RXRA: variants seen among roughly 807,000 people sequenced by gnomAD.
RXRA encodes retinoic acid receptor RXR-alpha.
A neutral mutation model predicts 44.5 loss-of-function variants in RXRA; 5 were observed. The observed-to-expected ratio is 0.11, with a 90% confidence interval of 0.06 to 0.24. The LOEUF is 0.24. RXRA is among the 10% of genes least tolerant of loss of function. RXRA has a pLI of 1.00. For missense variants in RXRA, 412 were observed against 646.5 expected, an observed-to-expected ratio of 0.64 and a Z score of 3.93; for synonymous variants, 291 against 271.4, an observed-to-expected ratio of 1.07 and a Z score of -0.71.
intron 7 of RXRA, among the ~76,000 whole-genome samples, chr9:134,429,465 C>T (rs1032140521): frequency 6.6e-6 from 1 of 152,250 alleles, no homozygotes; most frequent in African/African-American, 2.4e-5. Flanking sequence ...GCCTATCTCC[C>T]TCCATCTCTT....
intron 6 of RXRA, chr9:134,424,709 G>T (rs1043186906): frequency 5.1e-6 from 5 of 985,350 alleles, no homozygotes; most frequent in African/African-American, 3.5e-5. Context: ...GCCTGCACTG[G>T]CCAGGTGGCT....
At chr9:134,436,228 G>A (rs34030541) in intron 9 of RXRA, among the ~76,000 whole-genome samples, 5,421 of 152,304 alleles carry the variant, frequency 0.036, 126 homozygotes, top group Non-Finnish European at 0.054. Flanking sequence ...CTTCATCTCC[G>A]TCCTCAGACC....
chr9:134,409,448 G>T (rs1312041833), intron 4 of RXRA, among the ~76,000 whole-genome samples: 1 of 152,234 alleles, frequency 6.6e-6, no homozygotes, highest in African/African-American at 2.4e-5. Context: ...GGGTGGTCCC[G>T]GGCCAGCTTC....
At chr9:134,385,368 C>T (rs1165834200) in intron 1 of RXRA, among the ~76,000 whole-genome samples, 2 of 152,228 alleles carry the variant, frequency 1.3e-5, no homozygotes, top group African/African-American at 2.4e-5. Flanking sequence ...CCTTCCCCCG[C>T]GTGCTTCCTC....
At chr9:134,338,742 G>C (rs977914660) in intron 1 of RXRA, among the ~76,000 whole-genome samples, 87 of 152,220 alleles carry the variant, frequency 5.7e-4, no homozygotes, top group Non-Finnish European at 9.8e-4. Flanking sequence ...CGGCACCCCA[G>C]CCTTGCCCTG....
chr9:134,352,348 C>G (rs1554749582), intron 1 of RXRA, among the ~76,000 whole-genome samples: 1 of 152,070 alleles, frequency 6.6e-6, no homozygotes, highest in Non-Finnish European at 1.5e-5. Context: ...CGGGAAGGGG[C>G]TGCCTCGGGG....
intron 5 of RXRA, among the ~76,000 whole-genome samples, chr9:134,420,223 G>A (rs1831306677): frequency 6.6e-6 from 1 of 152,238 alleles, no homozygotes; most frequent in Non-Finnish European, 1.5e-5. Flanking sequence ...CCCTGCAGCC[G>A]ATGGGCAGGC....
chr9:134,328,348 G>T (rs1554746263), intron 1 of RXRA, among the ~76,000 whole-genome samples: 1 of 152,134 alleles, frequency 6.6e-6, no homozygotes, highest in African/African-American at 2.4e-5. Flanking sequence ...CACGGAGTTG[G>T]TGGATGTAGG....
chr9:134,367,501 A>G (rs926841570), intron 1 of RXRA, among the ~76,000 whole-genome samples: 2 of 152,166 alleles, frequency 1.3e-5, no homozygotes, highest in Non-Finnish European at 1.5e-5. Flanking sequence ...TGGAGATCCC[A>G]CTTTACAGAT....
In RXRA at chr9:134,426,194, C is replaced by A; in HGVS notation, c.911-2914C>A. ...TGGAGCCTGGAGTAAGACCTGGTATCCTCTGCATCACTGAGGTCCTCCTTC... is the reference window on the plus strand; with the variant it reads ...TGGAGCCTGGAGTAAGACCTGGTATACTCTGCATCACTGAGGTCCTCCTTC... On this transcript the variant is annotated intron_variant, in intron 6 of 9. Coordinates refer to ENST00000481739, the MANE Select transcript of RXRA (RefSeq NM_002957.6). The surrounding 1 kb of genome is among the most constrained non-coding windows in gnomAD (Gnocchi z 4.6). 1.0e-6 allele frequency: 1 copy of A among 985,424 alleles called. No individual in the cohort carries two copies. Among genetic ancestry groups the A allele is most frequent in the Non-Finnish European group, 1.2e-6 (1 of 829,928 alleles). 61.0% of individuals were successfully genotyped at this position (985,424 alleles called of 1,614,324 possible).
At chr9:134,376,748 G>A (rs542135659) in intron 1 of RXRA, among the ~76,000 whole-genome samples, 13 of 152,316 alleles carry the variant, frequency 8.5e-5, no homozygotes, top group African/African-American at 2.4e-4. Flanking sequence ...ATGAAAGCGT[G>A]GTAGAGAGGG....
intron 1 of RXRA, chr9:134,379,869 G>C (rs892100383): frequency 1.0e-6 from 1 of 985,202 alleles, no homozygotes; most frequent in Non-Finnish European, 1.2e-6. Flanking sequence ...TCTGGCCTTG[G>C]CGGCTCCAGC....
chr9:134,339,958 CCTGT>C (rs1284145037), intron 1 of RXRA, among the ~76,000 whole-genome samples: 3 of 151,982 alleles, frequency 2.0e-5, no homozygotes, highest in Non-Finnish European at 2.9e-5. Context: ...CTTGTGTGAG[CCTGT>C]CTGTGTGCAC....
At chr9:134,363,991 G>A (rs1369948114) in intron 1 of RXRA, among the ~76,000 whole-genome samples, 2 of 152,162 alleles carry the variant, frequency 1.3e-5, no homozygotes, top group African/African-American at 2.4e-5. Flanking sequence ...CTGGGTCCGT[G>A]CCGGGCTTCT....
In RXRA at chr9:134,401,660, C is replaced by A; in HGVS notation, c.57C>A (p.Leu19=). The A allele has an allele frequency of 6.2e-7, 1 of 1,613,078 alleles. No individual in the cohort carries two copies. The highest frequency in any genetic ancestry group is 8.5e-7 in the Non-Finnish European group (1 of 1,179,970). The change falls in exon 2 of 10, where the codon CTC becomes CTA. Residue 19 remains leucine (L), a synonymous_variant. Coordinates refer to ENST00000481739, the MANE Select transcript of RXRA (RefSeq NM_002957.6). ...LDFSTQVNSS[L]TSPTGRGSMA... Reference sequence around the variant, plus strand: ...TCTCCACCCAGGTGAACTCCTCCCTCACCTCCCCGACGGGGCGAGGCTCCA... The same window carrying A: ...TCTCCACCCAGGTGAACTCCTCCCTAACCTCCCCGACGGGGCGAGGCTCCA...
At chr9:134,330,441 G>A (rs1188118297) in intron 1 of RXRA, among the ~76,000 whole-genome samples, 1 of 152,188 alleles carries the variant, frequency 6.6e-6, no homozygotes, top group Non-Finnish European at 1.5e-5. Context: ...TTGGGGGCTG[G>A]TGTCCATTTG....
At chr9:134,347,466 T>C (rs1554748965) in intron 1 of RXRA, among the ~76,000 whole-genome samples, 3 of 152,142 alleles carry the variant, frequency 2.0e-5, no homozygotes, top group African/African-American at 2.4e-5. Flanking sequence ...GGGGCCGCAG[T>C]GTCCGGGCTT....
intron 6 of RXRA, chr9:134,423,014 G>A (rs1410828773): frequency 2.0e-6 from 2 of 985,380 alleles, no homozygotes; most frequent in East Asian, 1.1e-4. Context: ...GATGCCATGC[G>A]GCGGCCAGGA....
chr9:134,326,980 G>T (rs1351811247), intron 1 of RXRA, among the ~76,000 whole-genome samples: 6 of 151,434 alleles, frequency 4.0e-5, no homozygotes, highest in African/African-American at 4.8e-5. Flanking sequence ...CAGCCGCGCC[G>T]CACAGGAACC....
Sources: gnomAD v4.1 joint callset for allele counts (sites outside exome capture counted in the v4.1 genomes callset) on GRCh38, gnomAD v4.1.1 for gene constraint, Gnocchi (gnomAD v3.1) non-coding constraint, MANE v1.5 for transcripts, NCBI Gene and HGNC (gene_info 2026-07-23, HGNC 2026-07-21) for gene names.